HHAT: variants seen among roughly 807,000 people sequenced by gnomAD.
The protein encoded by HHAT is protein-cysteine N-palmitoyltransferase HHAT.
In HHAT, 47 loss-of-function variants were observed where a neutral mutation model predicts 70.8. That is an observed-to-expected ratio of 0.66 (90% CI 0.53 to 0.85). The LOEUF (loss-of-function observed/expected upper bound fraction) is 0.85, where lower values mean the gene tolerates loss of function less well. HHAT is among the 40% of genes least tolerant of loss of function. HHAT has a pLI of 0.00. For synonymous variants in HHAT, 228 were observed against 247.6 expected, an observed-to-expected ratio of 0.92 and a Z score of 0.74; for missense variants, 609 against 604.8, an observed-to-expected ratio of 1.01 and a Z score of -0.07.
At chr1:210,484,038 A>G (rs2094438149) in intron 8 of HHAT, among the ~76,000 whole-genome samples, 1 of 152,212 alleles carries the variant, frequency 6.6e-6, no homozygotes, top group Non-Finnish European at 1.5e-5. Context: ...TATTTTTGCA[A>G]GCCTCAACAT....
intron 9 of HHAT, among the ~76,000 whole-genome samples, chr1:210,549,906 A>G (rs1205526874): frequency 6.7e-6 from 1 of 148,792 alleles, no homozygotes; most frequent in Non-Finnish European, 1.5e-5. Flanking sequence ...ACTCACTTGC[A>G]TTCTGCCTTT....
chr1:210,501,372 C>T (rs946529472), intron 8 of HHAT, among the ~76,000 whole-genome samples: 1 of 152,252 alleles, frequency 6.6e-6, no homozygotes, highest in Non-Finnish European at 1.5e-5. Flanking sequence ...CAGCTTTGCC[C>T]TGCTTCATCG....
rs1667418879 is a variant in HHAT at position 210,615,138 on chromosome 1, T to C, written c.1246-8388T>C. Among the ~76,000 whole-genome samples, 2 of 152,240 alleles carry C rather than the reference T, an allele frequency of 1.3e-5. 1 individual carries two copies. Among genetic ancestry groups the C allele is most frequent in the South Asian group, 4.1e-4 (2 of 4,832 alleles). On this transcript the variant is annotated intron_variant, in intron 10 of 11. Transcript: ENST00000261458. The stretch of plus-strand genomic sequence containing the variant: ...GTGAGATGATATCTCATTGTGGTTT[T>C]CATTTGCATTTCTCTGATGGCCAGT...
At chr1:210,424,427 G>GT (rs893036425) in intron 7 of HHAT, among the ~76,000 whole-genome samples, 17 of 139,942 alleles carry the variant, frequency 1.2e-4, no homozygotes, top group South Asian at 4.8e-4. Context: ...GAGTCTTTAG[G>GT]TTTTTTTTCT....
At chr1:210,362,980 C>A in intron 3 of HHAT, 61 bp downstream of exon 3, 1 of 1,323,250 alleles carries the variant, frequency 7.6e-7, no homozygotes, top group Non-Finnish European at 1.1e-6. Flanking sequence ...TTTCACATCA[C>A]ATTTGTATTT....
chr1:210,489,551 C>T (rs1003206211), intron 8 of HHAT, among the ~76,000 whole-genome samples: 15 of 152,194 alleles, frequency 9.9e-5, no homozygotes, highest in African/African-American at 3.4e-4. Flanking sequence ...TTTTTGCAGC[C>T]TCCTCCAAGT....
At chr1:210,408,651 C>G (rs1242164262) in intron 6 of HHAT, among the ~76,000 whole-genome samples, 1 of 152,150 alleles carries the variant, frequency 6.6e-6, no homozygotes, top group African/African-American at 2.4e-5. Context: ...CTGGTTCCAT[C>G]TATTTGAAGA....
chr1:210,370,022 T>G (rs966230405), intron 3 of HHAT, among the ~76,000 whole-genome samples: 1 of 152,118 alleles, frequency 6.6e-6, no homozygotes. Context: ...TGACTGATTT[T>G]CCTGCCTTGC....
chr1:210,538,310 A>G (rs1452360280), intron 9 of HHAT, among the ~76,000 whole-genome samples: 1 of 152,162 alleles, frequency 6.6e-6, no homozygotes, highest in Non-Finnish European at 1.5e-5. Flanking sequence ...GCCACTGAAG[A>G]AAGTTTCCAC....
At chr1:210,374,182 A>G (rs900075610) in intron 3 of HHAT, 2 of 152,242 alleles carry the variant, frequency 1.3e-5, no homozygotes, top group Admixed American at 1.3e-4. Flanking sequence ...GCTTACAAAA[A>G]ATTAGCTTAT....
intron 11 of HHAT, among the ~76,000 whole-genome samples, chr1:210,640,664 C>T (rs1672808717): frequency 6.7e-6 from 1 of 150,140 alleles, no homozygotes; most frequent in Non-Finnish European, 1.5e-5. Context: ...CCCCGCACTC[C>T]GCCCCCCACT....
intron 7 of HHAT, among the ~76,000 whole-genome samples, chr1:210,447,403 A>G (rs1013919070): frequency 1.3e-5 from 2 of 152,216 alleles, no homozygotes; most frequent in Non-Finnish European, 2.9e-5. Flanking sequence ...AGACTTTTAT[A>G]TCAGTGCACG....
chr1:210,344,545 C>T (rs1300964338), intron 1 of HHAT, among the ~76,000 whole-genome samples: 2 of 152,156 alleles, frequency 1.3e-5, no homozygotes, highest in Non-Finnish European at 2.9e-5. Flanking sequence ...CTGTCCAAGG[C>T]AGGGGGCTCT....
chr1:210,568,834 C>T (rs1334474596), intron 9 of HHAT, among the ~76,000 whole-genome samples: 1 of 152,164 alleles, frequency 6.6e-6, no homozygotes, highest in Non-Finnish European at 1.5e-5. Context: ...TTCCTGACCT[C>T]CAGACCCTGT....
intron 1 of HHAT, among the ~76,000 whole-genome samples, chr1:210,344,888 C>T (rs969620365): frequency 6.0e-5 from 9 of 150,100 alleles, no homozygotes; most frequent in African/African-American, 1.7e-4. Flanking sequence ...CAATTCAAGA[C>T]GAGTCATCGG....
intron 3 of HHAT, among the ~76,000 whole-genome samples, chr1:210,366,633 A>T (rs1226791313): frequency 7.9e-5 from 12 of 152,294 alleles, no homozygotes; most frequent in Non-Finnish European, 1.8e-4. Flanking sequence ...TAAAAATAAA[A>T]TCAAAAACAA....
At chr1:210,635,082 C>A (rs1469975043) in intron 11 of HHAT, among the ~76,000 whole-genome samples, 1 of 152,202 alleles carries the variant, frequency 6.6e-6, no homozygotes, top group Non-Finnish European at 1.5e-5. Context: ...AAACTTCTAG[C>A]TATCACTTGC....
intron 7 of HHAT, among the ~76,000 whole-genome samples, chr1:210,437,827 T>G (rs1343899706): frequency 1.3e-5 from 2 of 151,916 alleles, no homozygotes; most frequent in Non-Finnish European, 2.9e-5. Flanking sequence ...CAATCCTAAC[T>G]ATCCCAGGAA....
intron 11 of HHAT, among the ~76,000 whole-genome samples, chr1:210,635,526 G>A (rs4951688): frequency 0.26 from 39,354 of 152,010 alleles, 5,443 homozygotes; most frequent in East Asian, 0.31. Flanking sequence ...GAGGCGGTGG[G>A]AAAGATGATG....
Sources: gnomAD v4.1 joint callset for allele counts (sites outside exome capture counted in the v4.1 genomes callset) on GRCh38, gnomAD v4.1.1 for gene constraint, MANE v1.5 for transcripts, NCBI Gene and HGNC (gene_info 2026-07-23, HGNC 2026-07-21) for gene names.